Variants in CNGA3 observed in about 807,000 individuals in gnomAD.
CNGA3 encodes cyclic nucleotide gated channel subunit alpha 3.
Under a neutral mutation model 46.6 loss-of-function variants are expected in CNGA3, and 42 were observed. That is an observed-to-expected ratio of 0.90 (90% CI 0.70 to 1.17). The LOEUF (loss-of-function observed/expected upper bound fraction) is 1.17, where lower values mean the gene tolerates loss of function less well. Among genes scored for constraint, CNGA3 ranks in the 50% most tolerant of loss-of-function variants. CNGA3 has a pLI of 0.00. For missense variants in CNGA3, 893 were observed against 890.7 expected, an observed-to-expected ratio of 1.00 and a Z score of -0.03; for synonymous variants, 394 against 369.4, an observed-to-expected ratio of 1.07 and a Z score of -0.76.
At position 98,396,516 on chromosome 2, in the gene CNGA3, A is replaced by G; in HGVS notation, c.1346A>G (p.Lys449Arg). 1.9e-6 allele frequency: 3 copies of G among 1,614,048 alleles called. No homozygotes were observed. Among genetic ancestry groups the G allele is most frequent in the Non-Finnish European group, 2.5e-6 (3 of 1,180,036 alleles). Residue 449 changes from lysine (K) to arginine (R), a missense_variant, in exon 8 of 8, where the codon AAG becomes AGG. Transcript: ENST00000272602. ...RWFDYLWANK[K>R]TVDEKEVLKS... ...TTTGACTACCTGTGGGCCAACAAGA[A>G]GACGGTGGATGAGAAGGAGGTGCTC...
At chr2:98,377,858 G>A in intron 3 of CNGA3, 58 bp downstream of exon 3, 1 of 1,496,714 alleles carries the variant, frequency 6.7e-7, no homozygotes, top group Non-Finnish European at 9.1e-7. Flanking sequence ...CAGAAAGAAG[G>A]TAGTGACCTC....
chr2:98,395,838 C>T lies in CNGA3; in HGVS notation c.674-6C>T. ...GATGCCCAATGACCTCCATCTTCTT[C>T]TTTAGGTTTTCTCGAGCAAGGCTTA... On this transcript the variant is annotated splice_region_variant and splice_polypyrimidine_tract_variant and intron_variant, in intron 7 of 7. Transcript: ENST00000272602. 1 of 1,614,078 alleles carries T rather than the reference C, an allele frequency of 6.2e-7. No homozygotes were observed. The highest frequency in any genetic ancestry group is 8.5e-7 in the Non-Finnish European group (1 of 1,179,978).
chr2:98,361,811 C>T lies in CNGA3; in HGVS notation c.-37-8128C>T, dbSNP rs1692040236. 2.6e-5 allele frequency among the ~76,000 whole-genome samples: 4 copies of T among 151,196 alleles called. No individual in the cohort carries two copies. In the South Asian group the frequency reaches 8.4e-4, roughly 32 times the overall value. On this transcript the variant is annotated intron_variant, in intron 1 of 7. Coordinates refer to ENST00000272602, the MANE Select transcript of CNGA3 (RefSeq NM_001298.3). ...CAAGCTCCACCTCCCGAGCTCACAC[C>T]ATTCTCCTGCCTCAGCCTCCAGAGT...
At chr2:98,346,748 TCGGCTCCCACTCCC>T (rs1691633747) in intron 1 of CNGA3, among the ~76,000 whole-genome samples, 1 of 151,904 alleles carries the variant, frequency 6.6e-6, no homozygotes, top group Admixed American at 6.5e-5. Context: ...GGCTACGGCC[TCGGCTCCCACTCCC>T]CGGCTCCCAT....
rs529873704 is a variant in CNGA3 at position 98,397,030 on chromosome 2, C to A, written c.1860C>A (p.Gly620=). The A allele has an allele frequency of 1.2e-6, 2 of 1,613,820 alleles. No homozygotes were observed. Among genetic ancestry groups the A allele is most frequent in the East Asian group, 2.2e-5 (1 of 44,882 alleles). The change falls in exon 8 of 8, where the codon GGC becomes GGA. Residue 620 remains glycine (G), a synonymous_variant. Transcript: ENST00000272602. ...NLIDEELARA[G]ADPKDLEEKV... ...TCGATGAGGAGCTGGCCAGGGCGGGCGCGGACCCCAAGGACCTTGAGGAGA... is the reference window on the plus strand; with the variant it reads ...TCGATGAGGAGCTGGCCAGGGCGGGAGCGGACCCCAAGGACCTTGAGGAGA...
chr2:98,382,449 G>C (rs1574379908), intron 4 of CNGA3, among the ~76,000 whole-genome samples: 1 of 152,192 alleles, frequency 6.6e-6, no homozygotes, highest in Non-Finnish European at 1.5e-5. Context: ...CCATATCTTA[G>C]ACGGAGAGAG....
At chr2:98,379,727 CTAAA>C (rs1420484670) in intron 3 of CNGA3, among the ~76,000 whole-genome samples, 3 of 152,180 alleles carry the variant, frequency 2.0e-5, no homozygotes, top group Non-Finnish European at 4.4e-5. Flanking sequence ...TCAAGAACTT[CTAAA>C]TAAATAAATA....
intron 1 of CNGA3, chr2:98,355,838 A>C (rs1691867628): frequency 6.6e-6 from 1 of 152,212 alleles, no homozygotes; most frequent in African/African-American, 2.4e-5. Flanking sequence ...TAAGCTGGGA[A>C]GAGAAGCCAT....
chr2:98,379,791 C>T (rs144783193), intron 3 of CNGA3: 2 of 267,040 alleles, frequency 7.5e-6, no homozygotes, highest in Admixed American at 4.9e-5. Context: ...CATTGCTTTA[C>T]TCTTCCTGCA....
chr2:98,396,769 T>TG lies in CNGA3; in HGVS notation c.1603dup (p.Val535GlyfsTer80). On this transcript the variant is annotated frameshift_variant, in exon 8 of 8. Coordinates refer to ENST00000272602, the MANE Select transcript of CNGA3 (RefSeq NM_001298.3). LOFTEE classifies it high-confidence loss of function. ...GCAAGCTGGCCGTGGTGGCTGATGA[T>TG]GGGGTCACCCAGTTCGTGGTCCTCA... The TG allele has an allele frequency of 6.2e-7, 1 of 1,614,176 alleles. No homozygotes were observed. The highest frequency in any genetic ancestry group is 1.1e-5 in the South Asian group (1 of 91,074).
At chr2:98,381,918 C>T (rs1413300459) in intron 4 of CNGA3, among the ~76,000 whole-genome samples, 1 of 152,168 alleles carries the variant, frequency 6.6e-6, no homozygotes, top group Admixed American at 6.5e-5. Context: ...AGAAGTTTCT[C>T]AGCAAGCCAG....
At chr2:98,367,185 C>CTTTTTTTTTTTTTTT (rs558997785) in intron 1 of CNGA3, among the ~76,000 whole-genome samples, 153 of 95,120 alleles carry the variant, frequency 1.6e-3, no homozygotes, top group Non-Finnish European at 2.4e-3. Flanking sequence ...TCTTTTTTTT[C>CTTTTTTTTTTTTTTT]TTTTTTTTTT....
intron 3 of CNGA3, chr2:98,378,305 G>A (rs905062197): frequency 7.8e-7 from 1 of 1,285,218 alleles, no homozygotes; most frequent in South Asian, 1.5e-5. Flanking sequence ...CCGTACTCCA[G>A]CTTCAACAGC....
chr2:98,377,761 A>C lies in CNGA3; in HGVS notation c.176A>C (p.Asp59Ala). 1.9e-6 allele frequency: 3 copies of C among 1,612,612 alleles called. No homozygotes were observed. The highest frequency in any genetic ancestry group is 2.5e-6 in the Non-Finnish European group (3 of 1,179,920). The change falls in exon 3 of 8, where the codon GAC becomes GCC. Residue 59 changes from aspartate (D) to alanine (A), a missense_variant. Transcript: ENST00000272602. ...GCCATGGAGACCAGAGGACTGGCTGACTCCGGGCAGGGCTCCTTCACCGGC... is the reference window on the plus strand; with the variant it reads ...GCCATGGAGACCAGAGGACTGGCTGCCTCCGGGCAGGGCTCCTTCACCGGC... Reference protein sequence around the residue: ...GIAMETRGLADSGQGSFTGQG... With the variant: ...GIAMETRGLAASGQGSFTGQG...
intron 1 of CNGA3, among the ~76,000 whole-genome samples, chr2:98,367,264 G>A (rs963922289): frequency 1.3e-5 from 2 of 149,452 alleles, no homozygotes; most frequent in African/African-American, 2.5e-5. Flanking sequence ...GCGCGATCTC[G>A]GCTCACCGCA....
intron 1 of CNGA3, among the ~76,000 whole-genome samples, chr2:98,347,478 T>C (rs1375991571): frequency 1.3e-5 from 2 of 152,168 alleles, no homozygotes; most frequent in African/African-American, 4.8e-5. Context: ...TTTTTCTCCC[T>C]GTGTAATCTC....
intron 5 of CNGA3, among the ~76,000 whole-genome samples, chr2:98,385,016 T>C (rs561521811): frequency 1.3e-5 from 2 of 152,340 alleles, no homozygotes; most frequent in Admixed American, 1.3e-4. Flanking sequence ...CCCTCCCCCA[T>C]CAAACTGTTC....
chr2:98,367,153 C>T (rs1692172525), intron 1 of CNGA3, among the ~76,000 whole-genome samples: 1 of 147,422 alleles, frequency 6.8e-6, no homozygotes, highest in Admixed American at 6.8e-5. Context: ...TGGTGAGAAC[C>T]TCTGACATCA....
intron 3 of CNGA3, 101 bp from the exon 4 acceptor site, chr2:98,380,074 G>C (rs1021006354): frequency 1.2e-4 from 167 of 1,376,766 alleles, no homozygotes; most frequent in Non-Finnish European, 3.0e-5. Flanking sequence ...CCTTGAGACA[G>C]ACAGAGAGGG....
Sources: gnomAD v4.1 joint callset for allele counts (sites outside exome capture counted in the v4.1 genomes callset) on GRCh38, gnomAD v4.1.1 for gene constraint, MANE v1.5 for transcripts, NCBI Gene and HGNC (gene_info 2026-07-23, HGNC 2026-07-21) for gene names.